Variants in CSMD1 observed in about 807,000 individuals in gnomAD.
CSMD1 encodes CUB and sushi domain-containing protein 1.
In CSMD1, 213 loss-of-function variants were observed where a neutral mutation model predicts 417.5. The observed-to-expected ratio is 0.51, with a 90% CI of 0.46 to 0.57. The LOEUF is 0.57. Ranked by LOEUF, CSMD1 falls within the 20% of genes least tolerant of loss-of-function variation. The pLI is 0.00. For synonymous variants in CSMD1, 2,862 were observed against 1,736.8 expected (o/e 1.65, Z -16.11); for missense variants, 6,923 against 4,529.7 (o/e 1.53, Z -15.17).
intron 5 of CSMD1, among the ~76,000 whole-genome samples, chr8:3,982,982 G>A (rs1160898742): frequency 2.6e-5 from 4 of 151,892 alleles, no homozygotes; most frequent in East Asian, 3.9e-4. Context: ...CGACAAATAG[G>A]GCCCCTAGAG....
intron 1 of CSMD1, among the ~76,000 whole-genome samples, chr8:4,989,700 T>C (rs1184077709): frequency 6.6e-6 from 1 of 152,196 alleles, no homozygotes; most frequent in Non-Finnish European, 1.5e-5. Flanking sequence ...GCAGAAAAAT[T>C]ACCAGAGGCA....
At chr8:3,934,303 T>A (rs1452063844) in intron 5 of CSMD1, among the ~76,000 whole-genome samples, 1 of 152,148 alleles carries the variant, frequency 6.6e-6, no homozygotes, top group Non-Finnish European at 1.5e-5. Context: ...GTGCCTACTA[T>A]GTATAAATGA....
chr8:4,005,382 C>A (rs1465240092), intron 4 of CSMD1, among the ~76,000 whole-genome samples: 1 of 152,174 alleles, frequency 6.6e-6, no homozygotes, highest in African/African-American at 2.4e-5. Context: ...CTTGAACAGA[C>A]ACACGTGGCC....
At chr8:4,042,610 C>A (rs207468915) in intron 3 of CSMD1, among the ~76,000 whole-genome samples, 2 of 151,450 alleles carry the variant, frequency 1.3e-5, no homozygotes, top group African/African-American at 4.9e-5. Flanking sequence ...GAATGATACC[C>A]GTATGGGGAA....
intron 23 of CSMD1, among the ~76,000 whole-genome samples, chr8:3,312,736 G>A (rs937853648): frequency 6.6e-6 from 1 of 152,120 alleles, no homozygotes; most frequent in East Asian, 1.9e-4. Flanking sequence ...AGGGAGAAGA[G>A]TGCTGCCTCC....
chr8:4,772,136 G>A (rs1259525837), intron 1 of CSMD1, among the ~76,000 whole-genome samples: 2 of 152,086 alleles, frequency 1.3e-5, no homozygotes, highest in Admixed American at 6.6e-5. Context: ...ACCGAGAGCA[G>A]AAGTCAGTTC....
At chr8:3,793,262 G>T (rs191294509) in intron 5 of CSMD1, among the ~76,000 whole-genome samples, 12 of 152,130 alleles carry the variant, frequency 7.9e-5, no homozygotes, top group Non-Finnish European at 1.8e-4. Flanking sequence ...AATCTCAAGC[G>T]ACTGCAGCAG....
chr8:3,833,506 T>C (rs933379383), intron 5 of CSMD1, among the ~76,000 whole-genome samples: 9 of 152,138 alleles, frequency 5.9e-5, no homozygotes, highest in Admixed American at 4.6e-4. Context: ...CCTTTCCTCA[T>C]TCATATTCAG....
chr8:4,700,871 T>G (rs1024355945), intron 1 of CSMD1, among the ~76,000 whole-genome samples: 1 of 152,138 alleles, frequency 6.6e-6, no homozygotes, highest in African/African-American at 2.4e-5. Context: ...ACAATAGACC[T>G]ACAGTGCTCC....
intron 1 of CSMD1, among the ~76,000 whole-genome samples, chr8:4,731,741 G>A (rs796403074): frequency 3.9e-4 from 59 of 152,220 alleles, no homozygotes; most frequent in African/African-American, 1.4e-3. Flanking sequence ...AGCCACAGCA[G>A]TTACTCTAGT....
intron 3 of CSMD1, among the ~76,000 whole-genome samples, chr8:4,096,039 T>C (rs60391636): frequency 0.22 from 33,997 of 151,946 alleles, 4,737 homozygotes; most frequent in African/African-American, 0.39. Flanking sequence ...GTATAATGTG[T>C]GGTGTGTTTT....
intron 1 of CSMD1, among the ~76,000 whole-genome samples, chr8:4,652,632 CAGAG>C (rs1165881624): frequency 1.3e-5 from 2 of 151,798 alleles, no homozygotes; most frequent in Admixed American, 1.3e-4. Flanking sequence ...AGCCTGGAGA[CAGAG>C]AGAGACTCTG....
intron 4 of CSMD1, among the ~76,000 whole-genome samples, chr8:4,015,159 T>C (rs1796460897): frequency 6.6e-6 from 1 of 152,228 alleles, no homozygotes; most frequent in Non-Finnish European, 1.5e-5. Context: ...AGGTTTCTTA[T>C]ATAAAAACTG....
In CSMD1 at chr8:3,635,655, T is replaced by G. The variant is rs185694719; in HGVS notation, c.1010-18858A>C. On this transcript the variant is annotated intron_variant, in intron 7 of 69. Coordinates refer to ENST00000635120, the MANE Select transcript of CSMD1 (RefSeq NM_033225.6). ...CCAGCCACCATGCCTGGCTATTTTT[T>G]GTATTTTTTAGTAGAGACGGGGATT... 3.3e-3 allele frequency among the ~76,000 whole-genome samples: 494 copies of G among 151,666 alleles called. 1 individual carries two copies. Among genetic ancestry groups the G allele is most frequent in the African/African-American group, 0.011 (473 of 41,422 alleles).
At chr8:4,420,142 G>A in intron 2 of CSMD1, 77 bp from the exon 3 acceptor site, 1 of 960,466 alleles carries the variant, frequency 1.0e-6, no homozygotes, top group Non-Finnish European at 1.6e-6. Context: ...TGAAGTCACT[G>A]AATAACTTGA....
chr8:3,437,821 C>A (rs1814671237), intron 12 of CSMD1, among the ~76,000 whole-genome samples: 1 of 151,730 alleles, frequency 6.6e-6, no homozygotes, highest in South Asian at 2.1e-4. Context: ...AATCTCGGCT[C>A]ACTGCAACCT....
intron 13 of CSMD1, 64 bp downstream of exon 13, chr8:3,409,359 C>T (rs975907761): frequency 1.8e-5 from 25 of 1,406,766 alleles, no homozygotes; most frequent in Non-Finnish European, 2.3e-5. Context: ...TGTCTTTCTC[C>T]TTTTCTCCCC....
chr8:3,233,347 G>A (rs557820997), intron 26 of CSMD1, among the ~76,000 whole-genome samples: 13 of 152,320 alleles, frequency 8.5e-5, no homozygotes, highest in East Asian at 1.9e-4. Context: ...CTCGCCAGGC[G>A]ATGCCTGCAC....
chr8:4,660,983 A>G (rs572948238), intron 1 of CSMD1, among the ~76,000 whole-genome samples: 3 of 152,336 alleles, frequency 2.0e-5, no homozygotes, highest in Admixed American at 6.5e-5. Context: ...TCTGGTTAGC[A>G]TAAGAAGAAA....
Sources: gnomAD v4.1 joint callset for allele counts (sites outside exome capture counted in the v4.1 genomes callset) on GRCh38, gnomAD v4.1.1 for gene constraint, MANE v1.5 for transcripts, NCBI Gene and HGNC (gene_info 2026-07-23, HGNC 2026-07-21) for gene names.